The following ARPC1A variants were observed in gnomAD, a reference collection of about 807,000 sequenced individuals.
ARPC1A encodes the protein actin-related protein 2/3 complex subunit 1A.
In ARPC1A, 8 loss-of-function variants were observed where a neutral mutation model predicts 46.9. The observed-to-expected ratio is 0.17, with a 90% confidence interval of 0.10 to 0.31. The LOEUF (loss-of-function observed/expected upper bound fraction) is 0.31. ARPC1A is among the 10% of genes least tolerant of loss of function. The pLI is 1.00. For missense variants in ARPC1A, 286 were observed against 483.6 expected (o/e 0.59, Z 3.83); for synonymous variants, 152 against 169.0 (o/e 0.90, Z 0.78).
chr7:99,333,721 A>G (rs936857518), intron 2 of ARPC1A, among the ~76,000 whole-genome samples: 2 of 152,182 alleles, frequency 1.3e-5, no homozygotes, highest in African/African-American at 2.4e-5. Flanking sequence ...ATTATTAACT[A>G]GTATTTACTA....
chr7:99,364,526 C>T (rs1793797978), intron 9 of ARPC1A, among the ~76,000 whole-genome samples: 1 of 152,082 alleles, frequency 6.6e-6, no homozygotes, highest in South Asian at 2.1e-4. Flanking sequence ...CCCGCCTCAG[C>T]CTCCCCAAGT....
At chr7:99,364,979 C>T (rs1033478357) in intron 9 of ARPC1A, among the ~76,000 whole-genome samples, 6 of 152,094 alleles carry the variant, frequency 3.9e-5, no homozygotes, top group African/African-American at 1.2e-4. Context: ...ACCTGAGCGG[C>T]ATCCTGAGTT....
Position 99,353,108 on chromosome 7 carries a change from TTTAGTTTATGTTATGTTATG to T in ARPC1A, c.501-797_501-778del, listed in dbSNP as rs1173941211. On this transcript the variant is annotated intron_variant, in intron 5 of 9. Transcript: ENST00000262942. The stretch of plus-strand genomic sequence containing the variant: ...GATTTATTATTTTAGTTTAGTTTAG[TTTAGTTTATGTTATGTTATG>T]TTATGTTATGTTATGTTATGTTATG... Among the ~76,000 whole-genome samples the T allele has an allele frequency of 2.1e-3, 306 of 147,878 alleles. 1 individual carries two copies. The highest frequency in any genetic ancestry group is 0.014 in the South Asian group (65 of 4,634).
chr7:99,336,802 C>G (rs1290204743), intron 2 of ARPC1A, among the ~76,000 whole-genome samples: 1 of 151,898 alleles, frequency 6.6e-6, no homozygotes, highest in East Asian at 1.9e-4. Context: ...CCCATAGATC[C>G]TAATTTTAAT....
intron 8 of ARPC1A, chr7:99,360,326 ATT>A (rs1183973949): frequency 1.2e-4 from 17 of 140,880 alleles, no homozygotes; most frequent in Admixed American, 3.6e-4. Flanking sequence ...AGAAAGTTTA[ATT>A]TTTTTTTTTT....
chr7:99,338,002 A>C (rs1285202331), intron 2 of ARPC1A, among the ~76,000 whole-genome samples, 179 bp from the exon 3 acceptor site: 1 of 152,186 alleles, frequency 6.6e-6, no homozygotes, highest in Non-Finnish European at 1.5e-5. Flanking sequence ...TATAAAATAC[A>C]GGGTCCAAGT....
intron 8 of ARPC1A, among the ~76,000 whole-genome samples, chr7:99,361,168 G>A (rs1793733707): frequency 6.6e-6 from 1 of 152,000 alleles, no homozygotes; most frequent in African/African-American, 2.4e-5. Context: ...CGGAGAAGGG[G>A]CAGCTGTATA....
At chr7:99,338,994 G>C (rs905778781) in intron 3 of ARPC1A, among the ~76,000 whole-genome samples, 5 of 152,084 alleles carry the variant, frequency 3.3e-5, no homozygotes, top group African/African-American at 1.2e-4. Context: ...ATATTGAGAA[G>C]AACAAAGTAA....
intron 6 of ARPC1A, among the ~76,000 whole-genome samples, chr7:99,355,186 GCT>G (rs1363054109): frequency 1.3e-5 from 2 of 151,882 alleles, no homozygotes; most frequent in African/African-American, 2.4e-5. Context: ...GGAGGCTGAG[GCT>G]AGAGAATCTC....
chr7:99,344,609 C>A, intron 4 of ARPC1A, 94 bp downstream of exon 4: 1 of 1,300,904 alleles, frequency 7.7e-7, no homozygotes, highest in South Asian at 1.4e-5. Context: ...TTTTCTCATC[C>A]GGAGTTGTGT....
intron 6 of ARPC1A, among the ~76,000 whole-genome samples, chr7:99,355,647 G>C (rs1016099030): frequency 6.6e-6 from 1 of 151,870 alleles, no homozygotes; most frequent in African/African-American, 2.4e-5. Context: ...GGGAGGCTGA[G>C]GAAGGAGAAT....
At chr7:99,359,384 T>C in intron 7 of ARPC1A, 161 bp from the exon 8 acceptor site, 1 of 697,042 alleles carries the variant, frequency 1.4e-6, no homozygotes, top group South Asian at 1.9e-5. Context: ...TGTGGTGACC[T>C]GAGATTGTGC....
At chr7:99,355,322 C>T (rs1793611160) in intron 6 of ARPC1A, among the ~76,000 whole-genome samples, 1 of 151,898 alleles carries the variant, frequency 6.6e-6, no homozygotes, top group South Asian at 2.1e-4. Flanking sequence ...GTGACAGGCA[C>T]AGACACAAAT....
chr7:99,358,666 G>A (rs1317814961), intron 7 of ARPC1A: 5 of 424,834 alleles, frequency 1.2e-5, no homozygotes, highest in South Asian at 2.5e-5. Context: ...TCAGCCTCTC[G>A]AGGAACTGGG....
chr7:99,333,311 A>G lies in ARPC1A; in HGVS notation c.-29-14A>G, dbSNP rs1249940743. 6.5e-7 allele frequency: 1 copy of G among 1,545,790 alleles called. No homozygotes were observed. The highest frequency in any genetic ancestry group is 1.1e-5 in the South Asian group (1 of 88,602). On this transcript the variant is annotated splice_polypyrimidine_tract_variant and intron_variant, in intron 1 of 9. Coordinates refer to ENST00000262942, the MANE Select transcript of ARPC1A (RefSeq NM_006409.4). The stretch of plus-strand genomic sequence containing the variant: ...CCTATTGTATAAAATGCTTTTTGTT[A>G]TTGTTCATTGCAGCTTTCTCTCCTT...
intron 8 of ARPC1A, among the ~76,000 whole-genome samples, chr7:99,362,336 C>CCTT (rs1562803976): frequency 7.7e-6 from 1 of 129,610 alleles, no homozygotes; most frequent in African/African-American, 2.9e-5. Flanking sequence ...CCCCGCCCCC[C>CCTT]TTTTTTTTTT....
At chr7:99,351,822 T>G (rs984201402) in intron 5 of ARPC1A, among the ~76,000 whole-genome samples, 3 of 152,168 alleles carry the variant, frequency 2.0e-5, no homozygotes, top group Non-Finnish European at 2.9e-5. Flanking sequence ...GAAATCACAT[T>G]GGAGGGCGAA....
chr7:99,358,503 A>C, intron 7 of ARPC1A, 88 bp downstream of exon 7: 3 of 1,150,400 alleles, frequency 2.6e-6, no homozygotes, highest in Non-Finnish European at 3.8e-6. Flanking sequence ...CCTAGCACAA[A>C]GCAGAACAGT....
chr7:99,348,432 C>T (rs1026410590), intron 4 of ARPC1A, among the ~76,000 whole-genome samples: 4 of 152,090 alleles, frequency 2.6e-5, no homozygotes, highest in African/African-American at 9.7e-5. Flanking sequence ...GTCAGCTGGG[C>T]GTAGTGGCTC....
Sources: allele counts gnomAD v4.1 joint callset (sites outside exome capture counted in the v4.1 genomes callset), GRCh38; gene constraint gnomAD v4.1.1; transcripts MANE v1.5; gene names NCBI Gene and HGNC (gene_info 2026-07-23, HGNC 2026-07-21).